The following ASH1L variants were observed in gnomAD, a reference collection of about 807,000 sequenced individuals.
ASH1L encodes ASH1 like histone lysine methyltransferase.
Under a neutral mutation model 269.0 loss-of-function variants are expected in ASH1L, and 23 were observed. The ratio of observed to expected loss-of-function variants is 0.09; its 90% CI spans 0.06 to 0.12. ASH1L has a LOEUF of 0.12. Ranked by LOEUF, ASH1L falls within the 10% of genes least tolerant of loss-of-function variation. The pLI is 1.00. For missense variants in ASH1L, 2,912 were observed against 3,567.8 expected, an observed-to-expected ratio of 0.82 and a Z score of 4.68; for synonymous variants, 1,187 against 1,253.5, an observed-to-expected ratio of 0.95 and a Z score of 1.12.
intron 6 of ASH1L, among the ~76,000 whole-genome samples, chr1:155,400,246 C>T (rs1410650076): frequency 1.3e-5 from 2 of 151,556 alleles, no homozygotes; most frequent in Non-Finnish European, 1.5e-5. Flanking sequence ...GAAGGAGAAT[C>T]GCTTGAATCT....
chr1:155,415,083 A>G (rs1558079125), intron 6 of ASH1L, among the ~76,000 whole-genome samples: 1 of 152,108 alleles, frequency 6.6e-6, no homozygotes, highest in Non-Finnish European at 1.5e-5. Flanking sequence ...GCTTAAGTTA[A>G]TAAGAAAAGC....
At chr1:155,535,867 G>A (rs575741960) in intron 1 of ASH1L, among the ~76,000 whole-genome samples, 4 of 151,896 alleles carry the variant, frequency 2.6e-5, no homozygotes, top group South Asian at 2.1e-4. Flanking sequence ...GCGTGGTGGC[G>A]CATGCCTGTA....
At position 155,411,604 on chromosome 1, in the gene ASH1L, T is replaced by A. The variant is rs1270648580; in HGVS notation, c.6008+4140A>T. 1.2e-4 allele frequency among the ~76,000 whole-genome samples: 14 copies of A among 119,352 alleles called. 2 individuals carry two copies. The highest frequency in any genetic ancestry group is 2.7e-4 in the Admixed American group (3 of 10,974). 78.3% of individuals were successfully genotyped at this position (119,352 alleles called of 152,430 possible). ...ATAAATAAATATATATATATATATATATATATATATATATGTTTTCATCCA... is the reference window on the plus strand; with the variant it reads ...ATAAATAAATATATATATATATATAAATATATATATATATGTTTTCATCCA... On this transcript the variant is annotated intron_variant, in intron 6 of 27. Coordinates refer to ENST00000392403, the MANE Select transcript of ASH1L (RefSeq NM_018489.3).
intron 1 of ASH1L, 176 bp downstream of exon 1, chr1:155,561,977 T>C (rs2148937144): frequency 1.8e-6 from 1 of 552,510 alleles, no homozygotes; most frequent in East Asian, 3.2e-5. Context: ...TCACCCCGCC[T>C]GGAGGGACTT....
chr1:155,558,518 A>T (rs1671752272), intron 1 of ASH1L, among the ~76,000 whole-genome samples: 1 of 152,164 alleles, frequency 6.6e-6, no homozygotes, highest in African/African-American at 2.4e-5. Flanking sequence ...ATTTCACAAT[A>T]TAACTCAAGA....
Position 155,480,421 on chromosome 1 carries a change from T to C in ASH1L, c.2449A>G (p.Ser817Gly). The change falls in exon 3 of 28, where the codon AGT becomes GGT. Residue 817 changes from serine to glycine, a missense_variant. Coordinates refer to ENST00000392403, the MANE Select transcript of ASH1L (RefSeq NM_018489.3). ...TTATAAATATCAGACAAAAGGTCAC[T>C]AGAGACACACATACTGGAGGATAGT... The part of the protein sequence containing the change: ...HKLSSSMCVS[S>G]DLLSDIYKPK... 6.2e-7 allele frequency: 1 copy of C among 1,614,096 alleles called. No homozygotes were observed.
At chr1:155,492,033 CTT>C (rs747132753) in intron 2 of ASH1L, among the ~76,000 whole-genome samples, 41 of 111,926 alleles carry the variant, frequency 3.7e-4, no homozygotes, top group African/African-American at 1.0e-3. Flanking sequence ...GTTTTGTTTA[CTT>C]TTTTTTTTTT....
chr1:155,562,713 T>G lies in ASH1L; in HGVS notation c.-660A>C, dbSNP rs1460658066. 1 of 1,451,170 alleles carries G rather than the reference T, an allele frequency of 6.9e-7. No individual in the cohort carries two copies. Among genetic ancestry groups the G allele is most frequent in the African/African-American group, 1.4e-5 (1 of 70,658 alleles). 89.9% of individuals were successfully genotyped at this position (1,451,170 alleles called of 1,614,324 possible). A position where few individuals can be genotyped will look rare whatever the true frequency, so the allele number is the denominator to read the frequency against. On this transcript the variant is annotated 5_prime_UTR_variant, in exon 1 of 28. Coordinates refer to ENST00000392403, the MANE Select transcript of ASH1L (RefSeq NM_018489.3). ...TACGCGCTCACCCACAGGAACCCCC[T>G]CGTCCAGTCCCTCACTACCCCTCAG... is the stretch of plus-strand genomic sequence containing the variant.
chr1:155,515,038 T>C (rs1439708851), intron 2 of ASH1L, among the ~76,000 whole-genome samples: 1 of 152,144 alleles, frequency 6.6e-6, no homozygotes, highest in Non-Finnish European at 1.5e-5. Flanking sequence ...AAAAAGGTCA[T>C]GGTCACCGTT....
chr1:155,463,456 T>C (rs758529934), intron 3 of ASH1L, among the ~76,000 whole-genome samples: 4 of 152,180 alleles, frequency 2.6e-5, no homozygotes, highest in Admixed American at 1.3e-4. Context: ...TTTATAAATA[T>C]TAGTGACTAC....
At chr1:155,371,025 C>T (rs1558039551) in intron 10 of ASH1L, 42 bp from the exon 11 acceptor site, 3 of 1,571,670 alleles carry the variant, frequency 1.9e-6, no homozygotes, top group Non-Finnish European at 1.7e-6. Flanking sequence ...TTACATGATA[C>T]ATACCTTGAT....
In ASH1L at chr1:155,526,325, G is replaced by A. The variant is rs374716406; in HGVS notation, c.-99-4707C>T. On this transcript the variant is annotated intron_variant, in intron 1 of 27. Coordinates refer to ENST00000392403, the MANE Select transcript of ASH1L (RefSeq NM_018489.3). ...ACATAACTTTATCTTGTGTTACAATGAGAAAACTATACACAAGTTTTTTCT... is the reference window on the plus strand; with the variant it reads ...ACATAACTTTATCTTGTGTTACAATAAGAAAACTATACACAAGTTTTTTCT... Among the ~76,000 whole-genome samples, 4 of 152,296 alleles carry A rather than the reference G, an allele frequency of 2.6e-5. No homozygotes were observed. In the East Asian group the frequency reaches 7.7e-4, roughly 29 times the overall value.
chr1:155,475,150 TTTTTTA>T (rs986650539), intron 3 of ASH1L, among the ~76,000 whole-genome samples: 10 of 152,272 alleles, frequency 6.6e-5, no homozygotes, highest in Non-Finnish European at 1.0e-4. Context: ...CTGTGGCTTT[TTTTTTA>T]TTTTTATTTT....
At chr1:155,531,642 TC>T (rs941885574) in intron 1 of ASH1L, among the ~76,000 whole-genome samples, 3 of 151,342 alleles carry the variant, frequency 2.0e-5, no homozygotes, top group East Asian at 3.8e-4. Flanking sequence ...AACATTTATT[TC>T]CCCCCCTAAA....
Position 155,411,586 on chromosome 1 carries a change from A to ATATTATATATATAT in ASH1L, c.6008+4157_6008+4158insATATATATATAATA, listed in dbSNP as rs1558075618. Among the ~76,000 whole-genome samples, 9 of 55,186 alleles carry ATATTATATATATAT rather than the reference A, an allele frequency of 1.6e-4. 1 individual carries two copies. In the East Asian group the frequency reaches 0.012, roughly 76 times the overall value. The allele number at this position is 55,186 out of a possible 152,430, so 36.2% of individuals were successfully genotyped here. On this transcript the variant is annotated intron_variant, in intron 6 of 27. Transcript: ENST00000392403. ...AAATATGAATATAAATAAATAAATA[A>ATATTATATATATAT]ATATATATATATATATATATATATA...
At chr1:155,496,480 T>C (rs893807799) in intron 2 of ASH1L, among the ~76,000 whole-genome samples, 1 of 152,248 alleles carries the variant, frequency 6.6e-6, no homozygotes, top group Non-Finnish European at 1.5e-5. Flanking sequence ...TATGTATGCA[T>C]GTATATGCGT....
Position 155,480,798 on chromosome 1 carries a change from T to C in ASH1L, c.2072A>G (p.Asp691Gly). 1 of 1,614,046 alleles carries C rather than the reference T, an allele frequency of 6.2e-7. No individual in the cohort carries two copies. The highest frequency in any genetic ancestry group is 2.2e-5 in the East Asian group (1 of 44,888). The change falls in exon 3 of 28, where the codon GAC (aspartate) becomes GGC (glycine). Residue 691 changes from aspartate to glycine, a missense_variant. Asp to Gly is a moderately conservative substitution (Grantham distance 94, BLOSUM62 -1). Transcript: ENST00000392403. ...GCTTTCAGCAACTTGGCAGTGTTTG[T>C]CTGATGCAGATACTGCACCCAGTTT... ...FLKLGAVSAS[D>G]KHCQVAESLS...
At chr1:155,550,401 CCAAT>C (rs1671115711) in intron 1 of ASH1L, among the ~76,000 whole-genome samples, 1 of 152,182 alleles carries the variant, frequency 6.6e-6, no homozygotes, top group South Asian at 2.1e-4. Context: ...TTCCCTGCTT[CCAAT>C]CAAACTTGAA....
intron 4 of ASH1L, among the ~76,000 whole-genome samples, chr1:155,443,571 G>A (rs1662765729): frequency 6.6e-6 from 1 of 152,122 alleles, no homozygotes. Flanking sequence ...AAAAGTTACT[G>A]TGTGTCCTTT....
Sources: allele counts gnomAD v4.1 joint callset (sites outside exome capture counted in the v4.1 genomes callset), GRCh38; gene constraint gnomAD v4.1.1; transcripts MANE v1.5; gene names NCBI Gene and HGNC (gene_info 2026-07-23, HGNC 2026-07-21).